Variants in TRDN observed in about 807,000 individuals in gnomAD.
TRDN encodes the protein triadin in skeletal muscle.
A neutral mutation model predicts 149.7 loss-of-function variants in TRDN; 161 were observed. The observed-to-expected ratio is 1.08, with a 90% CI of 0.95 to 1.23. The LOEUF (loss-of-function observed/expected upper bound fraction) is 1.23. TRDN is among the 50% of genes most tolerant of loss of function. The pLI is 0.00. For synonymous variants in TRDN, 294 were observed against 250.5 expected (o/e 1.17, Z -1.64); for missense variants, 896 against 823.5 (o/e 1.09, Z -1.08).
At chr6:123,444,012 T>A (rs564274686) in intron 10 of TRDN, among the ~76,000 whole-genome samples, 19 of 151,236 alleles carry the variant, frequency 1.3e-4, no homozygotes, top group African/African-American at 4.4e-4. Context: ...GGCTCTTTTT[T>A]GGTCCCATAT....
At chr6:123,401,952 G>GAAA (rs1322233071) in intron 12 of TRDN, among the ~76,000 whole-genome samples, 1 of 75,116 alleles carries the variant, frequency 1.3e-5, no homozygotes, top group Non-Finnish European at 3.0e-5. Context: ...AACTCAAAAA[G>GAAA]AAAAAAAAAA....
chr6:123,496,483 C>T (rs891411375), intron 9 of TRDN, among the ~76,000 whole-genome samples: 2 of 152,056 alleles, frequency 1.3e-5, no homozygotes, highest in African/African-American at 4.8e-5. Context: ...ATACTGTCTT[C>T]TTGGAAAAGT....
At chr6:123,278,231 T>A (rs1363441434) in intron 26 of TRDN, 87 bp downstream of exon 26, 2 of 918,358 alleles carry the variant, frequency 2.2e-6, no homozygotes, top group Admixed American at 4.2e-5. Flanking sequence ...AAAATATTTG[T>A]ACTAGGACAT....
At chr6:123,259,057 T>C (rs1382807880) in intron 35 of TRDN, among the ~76,000 whole-genome samples, 1 of 152,154 alleles carries the variant, frequency 6.6e-6, no homozygotes, top group Non-Finnish European at 1.5e-5. Flanking sequence ...ACTAATGGTT[T>C]ATCTATTTTG....
At chr6:123,498,567 A>C (rs1562347937) in intron 8 of TRDN, 1 of 471,150 alleles carries the variant, frequency 2.1e-6, no homozygotes, top group Admixed American at 2.3e-5. Flanking sequence ...GCTAGTCCTC[A>C]GGTCATTCCA....
intron 10 of TRDN, chr6:123,457,420 T>C: frequency 3.0e-6 from 1 of 338,408 alleles, no homozygotes; most frequent in Non-Finnish European, 5.7e-6. Context: ...AAAGGTCTTT[T>C]TAATAATCAA....
Position 123,517,968 on chromosome 6 carries a change from C to T in TRDN, c.485-1762G>A, listed in dbSNP as rs966787824. ...TTATTTTTTTACATTTCCAAGTCAT[C>T]ACAAGGTCTCAGTCACATAGTGGAC... On this transcript the variant is annotated intron_variant, in intron 5 of 40. Transcript: ENST00000334268. 3.3e-5 allele frequency among the ~76,000 whole-genome samples: 5 copies of T among 151,978 alleles called. No homozygotes were observed. In the East Asian group the frequency reaches 9.7e-4, roughly 29 times the overall value.
chr6:123,506,928 C>T (rs1238495333), intron 7 of TRDN, among the ~76,000 whole-genome samples: 1 of 151,868 alleles, frequency 6.6e-6, no homozygotes, highest in African/African-American at 2.4e-5. Flanking sequence ...TCTTCCCTAC[C>T]AGACAGACAG....
chr6:123,388,064 A>AAAAAATTTTTTT, intron 14 of TRDN, among the ~76,000 whole-genome samples: 1 of 151,914 alleles, frequency 6.6e-6, no homozygotes, highest in Non-Finnish European at 1.5e-5. Flanking sequence ...GCGGTATATA[A>AAAAAATTTTTTT]GCCAGAAAAA....
At chr6:123,291,929 A>C (rs983749894) in intron 24 of TRDN, among the ~76,000 whole-genome samples, 2 of 151,958 alleles carry the variant, frequency 1.3e-5, no homozygotes, top group African/African-American at 2.4e-5. Flanking sequence ...CTGATGGTAA[A>C]GTGTTTTGTC....
chr6:123,456,146 T>C (rs1161520673), intron 10 of TRDN, among the ~76,000 whole-genome samples: 1 of 152,194 alleles, frequency 6.6e-6, no homozygotes, highest in Non-Finnish European at 1.5e-5. Flanking sequence ...GACTTTAAAA[T>C]AAAAAATTAC....
At chr6:123,582,360 C>A (rs141291303) in intron 1 of TRDN, among the ~76,000 whole-genome samples, 2 of 152,072 alleles carry the variant, frequency 1.3e-5, no homozygotes, top group Admixed American at 6.6e-5. Context: ...GTGAAGAGAC[C>A]ACCAAACAGG....
chr6:123,498,896 C>G (rs1052865666), intron 8 of TRDN, among the ~76,000 whole-genome samples: 26 of 152,088 alleles, frequency 1.7e-4, no homozygotes, highest in Admixed American at 6.5e-4. Context: ...TGCCTATACT[C>G]TAGGAGTAGT....
intron 1 of TRDN, among the ~76,000 whole-genome samples, chr6:123,578,430 G>T (rs553198740): frequency 3.8e-4 from 58 of 152,198 alleles, no homozygotes; most frequent in African/African-American, 1.3e-3. Flanking sequence ...CCCATTGCTT[G>T]TTTTTGTCAG....
intron 1 of TRDN, among the ~76,000 whole-genome samples, chr6:123,589,147 C>T (rs1424972221): frequency 6.6e-6 from 1 of 152,130 alleles, no homozygotes; most frequent in Non-Finnish European, 1.5e-5. Flanking sequence ...CCAGGATTTG[C>T]CCAACTTTGT....
At chr6:123,397,646 A>C (rs73771946) in intron 12 of TRDN, among the ~76,000 whole-genome samples, 22,948 of 152,136 alleles carry the variant, frequency 0.15, 1,805 homozygotes, top group African/African-American at 0.21. Flanking sequence ...TTTCTCTTTG[A>C]TCACTGATTA....
intron 39 of TRDN, among the ~76,000 whole-genome samples, chr6:123,221,812 T>C (rs767218512): frequency 1.3e-5 from 2 of 151,736 alleles, no homozygotes; most frequent in African/African-American, 2.4e-5. Flanking sequence ...TTAATGAGGA[T>C]AGTTGACATG....
chr6:123,249,660 T>C (rs1448425451), intron 38 of TRDN, among the ~76,000 whole-genome samples: 1 of 152,158 alleles, frequency 6.6e-6, no homozygotes, highest in East Asian at 1.9e-4. Context: ...CCCATCATCA[T>C]ACGTGAAATA....
chr6:123,378,888 C>G (rs752768132), intron 16 of TRDN, among the ~76,000 whole-genome samples: 1 of 151,274 alleles, frequency 6.6e-6, no homozygotes, highest in Non-Finnish European at 1.5e-5. Context: ...TGAGACAAAG[C>G]ATTATTTTGT....
Sources: gnomAD v4.1 joint callset for allele counts (sites outside exome capture counted in the v4.1 genomes callset) on GRCh38, gnomAD v4.1.1 for gene constraint, MANE v1.5 for transcripts, NCBI Gene and HGNC (gene_info 2026-07-23, HGNC 2026-07-21) for gene names.